The following CTNNA3 variants were observed in gnomAD, a reference collection of about 807,000 sequenced individuals.
CTNNA3 encodes catenin alpha 3.
Under a neutral mutation model 95.7 loss-of-function variants are expected in CTNNA3, and 76 were observed. That is an observed-to-expected ratio of 0.79 (90% CI 0.66 to 0.96). The LOEUF (loss-of-function observed/expected upper bound fraction) is 0.96, where lower values mean the gene tolerates loss of function less well. CTNNA3 is among the 40% of genes least tolerant of loss of function. The pLI, the probability that CTNNA3 is intolerant of heterozygous loss-of-function variation, is 0.00. For synonymous variants in CTNNA3, 431 were observed against 374.4 expected (o/e 1.15, Z -1.74); for missense variants, 1,191 against 1,089.8 (o/e 1.09, Z -1.31).
At chr10:66,471,093 T>C (rs1839112733) in intron 11 of CTNNA3, among the ~76,000 whole-genome samples, 2 of 151,888 alleles carry the variant, frequency 1.3e-5, no homozygotes, top group Admixed American at 6.6e-5. Flanking sequence ...GTTGGAAATA[T>C]GCAACATCCC....
At chr10:66,856,667 G>A (rs1338107992) in intron 7 of CTNNA3, among the ~76,000 whole-genome samples, 13 of 151,908 alleles carry the variant, frequency 8.6e-5, no homozygotes, top group South Asian at 6.2e-4. Context: ...TAATAATGTC[G>A]AGCATTTCTT....
chr10:67,687,764 G>A (rs1222446938), intron 1 of CTNNA3, among the ~76,000 whole-genome samples: 3 of 152,130 alleles, frequency 2.0e-5, no homozygotes, highest in Admixed American at 6.5e-5. Context: ...ATAGCTGTTC[G>A]AGGAAGGCAG....
intron 7 of CTNNA3, among the ~76,000 whole-genome samples, chr10:67,040,669 G>A (rs1160622686): frequency 1.3e-5 from 2 of 151,968 alleles, no homozygotes; most frequent in African/African-American, 4.8e-5. Flanking sequence ...GACACTGATG[G>A]TGATGCAAAT....
Position 67,180,475 on chromosome 10 carries a change from G to A in CTNNA3, c.889C>T (p.Arg297Ter), listed in dbSNP as rs771161312. ...TCAAGGCGTTTCTCTAGTGATGGTC[G>A]TATTTCCTCCTCAGTTACTGTGAGT... is the stretch of plus-strand genomic sequence containing the variant. The part of the protein sequence containing the change: ...NPLTVTEEEI[R>*]PSLEKRLEAI... The change falls in exon 7 of 18, where the codon CGA (arginine) becomes TGA (stop). Residue 297 changes from arginine to a stop codon, truncating the protein, a stop_gained. Transcript: ENST00000433211. LOFTEE classifies it high-confidence loss of function. The A allele has an allele frequency of 1.1e-5, 17 of 1,613,678 alleles. No homozygotes were observed. Among genetic ancestry groups the A allele is most frequent in the South Asian group, 3.3e-5 (3 of 91,080 alleles).
intron 15 of CTNNA3, among the ~76,000 whole-genome samples, chr10:66,044,633 C>T (rs2079787813): frequency 6.6e-6 from 1 of 152,056 alleles, no homozygotes; most frequent in Non-Finnish European, 1.5e-5. Flanking sequence ...CAGCTGTTGA[C>T]TATAAACTTT....
At chr10:66,701,831 A>G (rs184623383) in intron 9 of CTNNA3, among the ~76,000 whole-genome samples, 2 of 152,262 alleles carry the variant, frequency 1.3e-5, no homozygotes, top group African/African-American at 2.4e-5. Flanking sequence ...ACATAATGAG[A>G]TATCTTGGAG....
intron 13 of CTNNA3, among the ~76,000 whole-genome samples, chr10:66,155,265 T>A (rs1417985470): frequency 6.6e-6 from 1 of 151,774 alleles, no homozygotes; most frequent in Non-Finnish European, 1.5e-5. Context: ...TAGGTATTGA[T>A]ATGAGAACTC....
intron 5 of CTNNA3, among the ~76,000 whole-genome samples, chr10:67,290,731 C>T (rs1226093641): frequency 6.6e-6 from 1 of 152,096 alleles, no homozygotes; most frequent in Non-Finnish European, 1.5e-5. Flanking sequence ...CTATGACAGA[C>T]ATACAGTAAG....
At chr10:66,000,748 A>T (rs1344240903) in intron 15 of CTNNA3, among the ~76,000 whole-genome samples, 1 of 152,152 alleles carries the variant, frequency 6.6e-6, no homozygotes, top group African/African-American at 2.4e-5. Context: ...CACTAATTTT[A>T]TCAGTATAAT....
chr10:66,506,055 G>A (rs1840439217), intron 11 of CTNNA3, among the ~76,000 whole-genome samples: 1 of 152,138 alleles, frequency 6.6e-6, no homozygotes, highest in Non-Finnish European at 1.5e-5. Context: ...GTGATGGGGA[G>A]CCAGCATGTA....
intron 15 of CTNNA3, among the ~76,000 whole-genome samples, chr10:66,033,558 A>G (rs745657930): frequency 3.3e-5 from 5 of 151,968 alleles, no homozygotes; most frequent in Non-Finnish European, 7.4e-5. Flanking sequence ...GTGTGTGTAT[A>G]CAATAGCACT....
chr10:65,964,076 A>T (rs1418973825), intron 17 of CTNNA3, among the ~76,000 whole-genome samples: 7 of 152,190 alleles, frequency 4.6e-5, no homozygotes, highest in Admixed American at 1.3e-4. Context: ...AGTTTTGAAT[A>T]CCAAATTTCT....
intron 2 of CTNNA3, among the ~76,000 whole-genome samples, chr10:67,642,436 A>T (rs1444536758): frequency 1.3e-5 from 2 of 152,170 alleles, no homozygotes; most frequent in Non-Finnish European, 2.9e-5. Flanking sequence ...AAAGTTTATC[A>T]GCTGGGTGCG....
intron 15 of CTNNA3, among the ~76,000 whole-genome samples, chr10:66,063,778 T>G (rs945134294): frequency 3.9e-5 from 6 of 152,102 alleles, no homozygotes; most frequent in African/African-American, 1.4e-4. Flanking sequence ...TTTATTCTAT[T>G]TAATTCTATT....
chr10:66,575,325 A>G (rs1842975142), intron 10 of CTNNA3, among the ~76,000 whole-genome samples: 1 of 152,144 alleles, frequency 6.6e-6, no homozygotes, highest in South Asian at 2.1e-4. Context: ...AAGAAATACT[A>G]GGGCAGGAAT....
At chr10:67,573,327 G>C (rs761113948) in intron 3 of CTNNA3, among the ~76,000 whole-genome samples, 12 of 152,122 alleles carry the variant, frequency 7.9e-5, no homozygotes, top group South Asian at 4.1e-4. Flanking sequence ...CAGTTTGCAA[G>C]CATGCAGCCT....
chr10:66,268,831 C>A (rs112887962), intron 13 of CTNNA3, among the ~76,000 whole-genome samples: 1 of 152,126 alleles, frequency 6.6e-6, no homozygotes, highest in Non-Finnish European at 1.5e-5. Flanking sequence ...TATCTACTCT[C>A]TCTCCCATTT....
At chr10:66,891,104 T>C (rs1845251848) in intron 7 of CTNNA3, among the ~76,000 whole-genome samples, 1 of 152,200 alleles carries the variant, frequency 6.6e-6, no homozygotes, top group South Asian at 2.1e-4. Context: ...TAGGACCAGA[T>C]AAGAATAATT....
intron 5 of CTNNA3, among the ~76,000 whole-genome samples, chr10:67,403,892 C>T (rs1379073287): frequency 6.6e-6 from 1 of 152,208 alleles, no homozygotes; most frequent in East Asian, 1.9e-4. Context: ...TTGCAGCCTT[C>T]ACCGGTAATA....
Sources: gnomAD v4.1 joint callset for allele counts (sites outside exome capture counted in the v4.1 genomes callset) on GRCh38, gnomAD v4.1.1 for gene constraint, MANE v1.5 for transcripts, NCBI Gene and HGNC (gene_info 2026-07-23, HGNC 2026-07-21) for gene names.